GRIN2A: variants seen among roughly 807,000 people sequenced by gnomAD.
GRIN2A encodes the protein glutamate ionotropic receptor NMDA type subunit 2A.
A neutral mutation model predicts 113.4 loss-of-function variants in GRIN2A; 22 were observed. That is an observed-to-expected ratio of 0.19 (90% CI 0.14 to 0.28). The LOEUF is 0.28. Ranked by LOEUF, GRIN2A falls within the 10% of genes least tolerant of loss-of-function variation. The pLI, the probability that GRIN2A is intolerant of heterozygous loss-of-function variation, is 1.00. For missense variants in GRIN2A, 1,502 were observed against 1,887.0 expected (o/e 0.80, Z 3.78); for synonymous variants, 827 against 738.4 (o/e 1.12, Z -1.94).
chr16:9,852,262 G>A (rs1182361791), intron 4 of GRIN2A, among the ~76,000 whole-genome samples: 1 of 152,140 alleles, frequency 6.6e-6, no homozygotes, highest in Non-Finnish European at 1.5e-5. Flanking sequence ...GTGCTTTCTC[G>A]CTATGTACAG....
chr16:10,058,067 C>G (rs200051742), intron 2 of GRIN2A, among the ~76,000 whole-genome samples: 78 of 152,128 alleles, frequency 5.1e-4, no homozygotes, highest in East Asian at 1.2e-3. Flanking sequence ...CAAGCCTGAC[C>G]AACGTGTTGA....
intron 2 of GRIN2A, among the ~76,000 whole-genome samples, chr16:10,015,274 A>G (rs1224279514): frequency 1.4e-5 from 2 of 140,628 alleles, no homozygotes; most frequent in Non-Finnish European, 1.5e-5. Context: ...AAAAAAAAGA[A>G]AAAAAAAAAG....
At chr16:9,961,072 C>A (rs2045430475) in intron 2 of GRIN2A, among the ~76,000 whole-genome samples, 1 of 152,196 alleles carries the variant, frequency 6.6e-6, no homozygotes, top group South Asian at 2.1e-4. Context: ...ATATAGCAAG[C>A]ATTCAATATA....
intron 11 of GRIN2A, among the ~76,000 whole-genome samples, chr16:9,772,448 T>C (rs543543031): frequency 1.3e-5 from 2 of 152,294 alleles, no homozygotes; most frequent in Non-Finnish European, 2.9e-5. Flanking sequence ...CATAACTCAC[T>C]ACAGTAGCAA....
At chr16:9,918,318 A>G (rs2044292265) in intron 3 of GRIN2A, among the ~76,000 whole-genome samples, 1 of 152,248 alleles carries the variant, frequency 6.6e-6, no homozygotes, top group Non-Finnish European at 1.5e-5. Context: ...CAGATAGTAC[A>G]GAACTGTGTA....
chr16:9,854,669 C>G (rs1385044097), intron 4 of GRIN2A, among the ~76,000 whole-genome samples: 2 of 152,122 alleles, frequency 1.3e-5, no homozygotes, highest in Admixed American at 6.6e-5. Context: ...TGTTCCCAAT[C>G]CTCTCCATAA....
intron 2 of GRIN2A, among the ~76,000 whole-genome samples, chr16:9,959,958 G>C (rs1567201334): frequency 6.6e-6 from 1 of 152,180 alleles, no homozygotes; most frequent in Non-Finnish European, 1.5e-5. Context: ...CGGTGACAGA[G>C]CGAGATTTCA....
At chr16:10,083,083 AT>A (rs2048014809) in intron 2 of GRIN2A, among the ~76,000 whole-genome samples, 1 of 152,246 alleles carries the variant, frequency 6.6e-6, no homozygotes, top group Admixed American at 6.5e-5. Context: ...TTGCAAAAAC[AT>A]AAAAAAATAA....
intron 11 of GRIN2A, among the ~76,000 whole-genome samples, chr16:9,783,263 A>G (rs1166170700): frequency 6.6e-6 from 1 of 152,194 alleles, no homozygotes; most frequent in Non-Finnish European, 1.5e-5. Flanking sequence ...GTTTCACATG[A>G]GACCCCGTCT....
At chr16:9,924,849 C>T (rs117010794) in intron 3 of GRIN2A, among the ~76,000 whole-genome samples, 3,951 of 152,160 alleles carry the variant, frequency 0.026, 81 homozygotes, top group Non-Finnish European at 0.041. Flanking sequence ...GATTTTATAT[C>T]TAGTAGTTTG....
intron 9 of GRIN2A, among the ~76,000 whole-genome samples, chr16:9,826,083 C>T (rs927674589): frequency 2.0e-5 from 3 of 151,996 alleles, no homozygotes; most frequent in East Asian, 3.9e-4. Context: ...TACCATGTGC[C>T]AGGCATGGTG....
At chr16:10,111,527 T>C (rs1343707902) in intron 2 of GRIN2A, 12 of 745,066 alleles carry the variant, frequency 1.6e-5, no homozygotes, top group South Asian at 6.9e-5. Context: ...GCTGATGAGG[T>C]AGACCTAACT....
intron 2 of GRIN2A, among the ~76,000 whole-genome samples, chr16:9,987,367 A>G (rs965659898): frequency 6.6e-6 from 1 of 152,194 alleles, no homozygotes; most frequent in African/African-American, 2.4e-5. Context: ...CTCAGAAACT[A>G]TGGAAGCAAA....
chr16:10,058,220 C>A (rs568413841), intron 2 of GRIN2A, among the ~76,000 whole-genome samples: 3 of 151,958 alleles, frequency 2.0e-5, no homozygotes, highest in African/African-American at 7.2e-5. Context: ...AAGCCTTGCA[C>A]TCCAGCCTGG....
At chr16:9,909,508 A>G (rs2044092893) in intron 3 of GRIN2A, among the ~76,000 whole-genome samples, 1 of 152,190 alleles carries the variant, frequency 6.6e-6, no homozygotes, top group South Asian at 2.1e-4. Context: ...GTGACTGAGG[A>G]TATGAATTTT....
chr16:9,973,986 A>G (rs2045726186), intron 2 of GRIN2A, among the ~76,000 whole-genome samples: 1 of 152,222 alleles, frequency 6.6e-6, no homozygotes, highest in South Asian at 2.1e-4. Context: ...GAATTAATGA[A>G]GAGCATTAGA....
chr16:10,179,020 A>G (rs1457783117), intron 2 of GRIN2A, among the ~76,000 whole-genome samples: 1 of 152,002 alleles, frequency 6.6e-6, no homozygotes, highest in Non-Finnish European at 1.5e-5. Flanking sequence ...TCCTCACTTT[A>G]CTTCTTCATT....
chr16:10,138,410 G>T (rs1054407296), intron 2 of GRIN2A, among the ~76,000 whole-genome samples: 1 of 152,180 alleles, frequency 6.6e-6, no homozygotes, highest in Non-Finnish European at 1.5e-5. Context: ...GGTGGAAGAC[G>T]AAGAGGAAGC....
At chr16:9,862,582 T>A (rs1263294610) in intron 4 of GRIN2A, among the ~76,000 whole-genome samples, 1 of 152,044 alleles carries the variant, frequency 6.6e-6, no homozygotes, top group Non-Finnish European at 1.5e-5. Context: ...TCTTCAGGAG[T>A]TCATGTATAA....
Sources: gnomAD v4.1 joint callset for allele counts (sites outside exome capture counted in the v4.1 genomes callset) on GRCh38, gnomAD v4.1.1 for gene constraint, MANE v1.5 for transcripts, NCBI Gene and HGNC (gene_info 2026-07-23, HGNC 2026-07-21) for gene names.